Variants in RUNX1T1 observed in about 807,000 individuals in gnomAD.
The protein encoded by RUNX1T1 is RUNX1 partner transcriptional co-repressor 1.
In RUNX1T1, 4 loss-of-function variants were observed where a neutral mutation model predicts 62.8. That is an observed-to-expected ratio of 0.06 (90% CI 0.03 to 0.15). RUNX1T1 has a LOEUF of 0.15. Ranked by LOEUF, RUNX1T1 falls within the 10% of genes least tolerant of loss-of-function variation. The pLI is 1.00. For synonymous variants in RUNX1T1, 291 were observed against 286.0 expected, an observed-to-expected ratio of 1.02 and a Z score of -0.18; for missense variants, 508 against 754.3, an observed-to-expected ratio of 0.67 and a Z score of 3.82.
chr8:91,968,170 T>A (rs1812025781), intron 10 of RUNX1T1, among the ~76,000 whole-genome samples: 1 of 152,046 alleles, frequency 6.6e-6, no homozygotes, highest in Non-Finnish European at 1.5e-5. Context: ...CTGCCACACG[T>A]ATCTGCCTCC....
intron 5 of RUNX1T1, chr8:92,004,418 A>C (rs1820338465): frequency 6.6e-6 from 1 of 152,226 alleles, no homozygotes; most frequent in African/African-American, 2.4e-5. Context: ...TTACTACGGT[A>C]AATGGGAAAT....
At chr8:91,983,357 A>T (rs1008346551) in intron 8 of RUNX1T1, among the ~76,000 whole-genome samples, 1 of 152,196 alleles carries the variant, frequency 6.6e-6, no homozygotes, top group African/African-American at 2.4e-5. Flanking sequence ...CAGGTACAAC[A>T]CATCAATCAT....
At chr8:91,977,923 G>A (rs1814339975) in intron 8 of RUNX1T1, among the ~76,000 whole-genome samples, 1 of 152,104 alleles carries the variant, frequency 6.6e-6, no homozygotes, top group South Asian at 2.1e-4. Context: ...GAGTAGCTCG[G>A]ATTACAGGTG....
At chr8:92,062,630 G>A (rs777184955) in exon 1 of RUNX1T1, 1 of 1,613,978 alleles carries the variant, frequency 6.2e-7, no homozygotes, top group Non-Finnish European at 8.5e-7. Flanking sequence ...CTCCTGTTCT[G>A]GAATGAGTGG....
intron 1 of RUNX1T1, among the ~76,000 whole-genome samples, chr8:92,032,463 C>A (rs757710788): frequency 1.3e-5 from 2 of 152,020 alleles, no homozygotes; most frequent in African/African-American, 4.8e-5. Flanking sequence ...GAGACAATAA[C>A]CATGATGAGC....
downstream of RUNX1T1, chr8:91,955,182 C>T (rs1004424724): frequency 3.7e-5 from 8 of 216,706 alleles, no homozygotes; most frequent in East Asian, 2.7e-4. Flanking sequence ...TCATACTGTT[C>T]GCGTAAACTA....
chr8:92,021,025 A>C (rs1823984916), intron 1 of RUNX1T1, among the ~76,000 whole-genome samples: 1 of 152,188 alleles, frequency 6.6e-6, no homozygotes, highest in Admixed American at 6.5e-5. Flanking sequence ...AGGGAGTTCA[A>C]GTATTGGTAG....
rs1810106139 is a variant in RUNX1T1, at chr8:91,960,174, A to C, written c.*68T>G. 3 of 1,500,578 alleles carry C rather than the reference A, an allele frequency of 2.0e-6. No homozygotes were observed. The African/African-American group carries it at 4.2e-5, about 21-fold the overall frequency. 93.0% of individuals were successfully genotyped at this position (1,500,578 alleles called of 1,614,324 possible). ...ACAAACAAAAAAAACAACTTTGAGC[A>C]TCTGAGGATGAGGAATTGGTTTCGC... On this transcript the variant is annotated 3_prime_UTR_variant, in exon 11 of 11. Transcript: ENST00000396218.
chr8:92,057,150 T>C (rs1831170558), intron 1 of RUNX1T1, among the ~76,000 whole-genome samples: 3 of 152,212 alleles, frequency 2.0e-5, no homozygotes, highest in Admixed American at 2.0e-4. Context: ...TCATTCTTGA[T>C]GATGAAGGCT....
At chr8:92,100,889 T>C (rs1281601807), upstream of RUNX1T1, among the ~76,000 whole-genome samples, 2 of 152,212 alleles carry the variant, frequency 1.3e-5, no homozygotes, top group Non-Finnish European at 2.9e-5. Flanking sequence ...AACAATGGTG[T>C]TTGGTGACCT....
At chr8:91,967,110 A>T (rs1460397689) in intron 10 of RUNX1T1, among the ~76,000 whole-genome samples, 1 of 152,196 alleles carries the variant, frequency 6.6e-6, no homozygotes, top group East Asian at 1.9e-4. Context: ...AACACTACCT[A>T]CTTTGTCAGA....
At chr8:92,039,122 C>A (rs995355343) in intron 1 of RUNX1T1, among the ~76,000 whole-genome samples, 2 of 151,428 alleles carry the variant, frequency 1.3e-5, no homozygotes, top group East Asian at 1.9e-4. Context: ...GTGGCCAAAT[C>A]CAAAAGGCAA....
At chr8:92,088,206 G>A (rs1001423544) in intron 1 of RUNX1T1, among the ~76,000 whole-genome samples, 1 of 152,182 alleles carries the variant, frequency 6.6e-6, no homozygotes, top group Non-Finnish European at 1.5e-5. Flanking sequence ...AGGAAAGGAG[G>A]ATTACTATGT....
At chr8:91,984,564 C>A (rs1412699211) in intron 8 of RUNX1T1, among the ~76,000 whole-genome samples, 1 of 152,040 alleles carries the variant, frequency 6.6e-6, no homozygotes, top group Non-Finnish European at 1.5e-5. Flanking sequence ...AGTAAGTGCT[C>A]AATAAATAAG....
intron 9 of RUNX1T1, among the ~76,000 whole-genome samples, chr8:91,973,679 A>G (rs913096138): frequency 2.6e-5 from 4 of 152,188 alleles, no homozygotes; most frequent in Admixed American, 1.3e-4. Context: ...AATTGTAACA[A>G]GCTGAGTGCA....
rs149518712 is a variant in RUNX1T1, at chr8:91,993,688, G to A, written c.660-1799C>T. ...AAACTATTACAGAAAGAAAATAAAT[G>A]TCCTTTAAAAACTCTACATGAGGCC... On this transcript the variant is annotated intron_variant, in intron 5 of 10. Transcript: ENST00000396218. 6.7e-3 allele frequency among the ~76,000 whole-genome samples: 1,016 copies of A among 152,122 alleles called. 7 individuals are homozygous for A. Among genetic ancestry groups the A allele is most frequent in the Middle Eastern group, 0.017 (5 of 292 alleles).
intron 1 of RUNX1T1, among the ~76,000 whole-genome samples, chr8:92,032,711 C>G (rs1050852604): frequency 6.6e-6 from 1 of 152,098 alleles, no homozygotes; most frequent in African/African-American, 2.4e-5. Flanking sequence ...CCCAGGAGTT[C>G]AAGGCTCCAG....
chr8:92,102,810 C>G (rs759411480), upstream of RUNX1T1: 4 of 1,488,084 alleles, frequency 2.7e-6, no homozygotes, highest in Admixed American at 2.4e-5. This position sits in a 1 kb window ranked among gnomAD's most constrained non-coding sequence, Gnocchi z 4.5. Context: ...GTCAGGGGCC[C>G]GACCCCGCCG....
intron 1 of RUNX1T1, chr8:92,017,623 C>A: frequency 7.4e-7 from 1 of 1,342,544 alleles, no homozygotes; most frequent in Non-Finnish European, 9.6e-7. Context: ...CAGATGCTAC[C>A]TTGGTAGTGT....
Sources: gnomAD v4.1 joint callset for allele counts (sites outside exome capture counted in the v4.1 genomes callset) on GRCh38, gnomAD v4.1.1 for gene constraint, Gnocchi (gnomAD v3.1) non-coding constraint, MANE v1.5 for transcripts, NCBI Gene and HGNC (gene_info 2026-07-23, HGNC 2026-07-21) for gene names.